ATP6V1H: variants seen among roughly 807,000 people sequenced by gnomAD.
ATP6V1H encodes the protein ATPase H+ transporting V1 subunit H.
In ATP6V1H, 39 loss-of-function variants were observed where a neutral mutation model predicts 71.7. That is an observed-to-expected ratio of 0.54 (90% CI 0.42 to 0.71). The LOEUF (loss-of-function observed/expected upper bound fraction) is 0.71, where lower values mean the gene tolerates loss of function less well. ATP6V1H is among the 30% of genes least tolerant of loss of function. The probability of loss-of-function intolerance (pLI) is 0.00; values close to 1 mark genes in which losing one functional copy is unlikely to be tolerated. For missense variants in ATP6V1H, 509 were observed against 594.9 expected (o/e 0.86, Z 1.50); for synonymous variants, 192 against 199.3 (o/e 0.96, Z 0.31).
At chr8:53,724,752 T>A (rs576704087) in intron 13 of ATP6V1H, among the ~76,000 whole-genome samples, 4 of 152,032 alleles carry the variant, frequency 2.6e-5, no homozygotes, top group Admixed American at 2.6e-4. Flanking sequence ...CTCATTTAAG[T>A]CATGGTATTT....
chr8:53,772,917 A>G (rs1441675066), intron 9 of ATP6V1H, among the ~76,000 whole-genome samples: 1 of 151,550 alleles, frequency 6.6e-6, no homozygotes, highest in African/African-American at 2.4e-5. Flanking sequence ...AAAAAAAAAA[A>G]AAAAACAAAA....
At chr8:53,815,558 T>A (rs1402833039) in intron 5 of ATP6V1H, among the ~76,000 whole-genome samples, 1 of 152,222 alleles carries the variant, frequency 6.6e-6, no homozygotes, top group East Asian at 1.9e-4. Flanking sequence ...ACTTCCAAGG[T>A]CAGAATGTCA....
chr8:53,795,595 C>T (rs920503461), intron 9 of ATP6V1H, 52 bp downstream of exon 9: 1 of 1,549,642 alleles, frequency 6.5e-7, no homozygotes, highest in African/African-American at 1.4e-5. Flanking sequence ...CTCAAATATA[C>T]TGCACAGTGA....
At chr8:53,718,543 C>T (rs1047581373) in intron 13 of ATP6V1H, among the ~76,000 whole-genome samples, 77 of 152,202 alleles carry the variant, frequency 5.1e-4, no homozygotes, top group African/African-American at 1.6e-3. Flanking sequence ...GTGCTCACCA[C>T]CATGCCTGGC....
chr8:53,729,036 T>C (rs956958941), intron 13 of ATP6V1H, among the ~76,000 whole-genome samples: 2 of 152,316 alleles, frequency 1.3e-5, no homozygotes, highest in Admixed American at 1.3e-4. Context: ...CAATTAGTCT[T>C]GTTGTTCCAG....
chr8:53,737,937 A>G lies in ATP6V1H; in HGVS notation c.1391+5640T>C, dbSNP rs16919519. On this transcript the variant is annotated intron_variant, in intron 13 of 13. Coordinates refer to ENST00000359530, the MANE Select transcript of ATP6V1H (RefSeq NM_015941.4). ...AAAAACCTGTCAATTCATTTCCATT[A>G]GCTATAAAACATTTTTTCCCCCATC... Among the ~76,000 whole-genome samples the G allele has an allele frequency of 2.0e-3, 300 of 152,304 alleles. 2 individuals are homozygous for G. The highest frequency in any genetic ancestry group is 6.9e-3 in the African/African-American group (286 of 41,570).
chr8:53,758,312 T>C (rs1245681629), intron 11 of ATP6V1H, among the ~76,000 whole-genome samples: 5 of 152,206 alleles, frequency 3.3e-5, no homozygotes, highest in Non-Finnish European at 5.9e-5. Context: ...ATTTAAAATA[T>C]AACATTTGTT....
At chr8:53,718,221 T>A (rs1201677723) in intron 13 of ATP6V1H, among the ~76,000 whole-genome samples, 4 of 152,144 alleles carry the variant, frequency 2.6e-5, no homozygotes, top group Admixed American at 1.3e-4. Context: ...AGAAACACTC[T>A]TGAAGTGGGG....
At chr8:53,779,127 T>C (rs533338513) in intron 9 of ATP6V1H, among the ~76,000 whole-genome samples, 2 of 152,260 alleles carry the variant, frequency 1.3e-5, no homozygotes, top group South Asian at 2.1e-4. Flanking sequence ...CTCTCAGCAA[T>C]TGATAGAACC....
intron 2 of ATP6V1H, 97 bp downstream of exon 2, chr8:53,841,481 G>A (rs1342509101): frequency 7.3e-7 from 1 of 1,364,056 alleles, no homozygotes; most frequent in African/African-American, 1.4e-5. Context: ...ACATTTTTCA[G>A]TATTTTCCCT....
At chr8:53,833,738 G>T (rs1811078048) in intron 2 of ATP6V1H, among the ~76,000 whole-genome samples, 1 of 151,902 alleles carries the variant, frequency 6.6e-6, no homozygotes, top group Admixed American at 6.6e-5. Context: ...ACTCCTTCCT[G>T]TGAGAGATTC....
In ATP6V1H at chr8:53,731,388, C is replaced by T. The variant is rs376890878; in HGVS notation, c.1391+12189G>A. 1.1e-4 allele frequency among the ~76,000 whole-genome samples: 17 copies of T among 152,290 alleles called. No homozygotes were observed. In the East Asian group the frequency reaches 1.7e-3, roughly 16 times the overall value. ...TGAGATCAATAGTCAGACAGCCCAG[C>T]GCCACACCCCAGGCCTGGTCTGGTA... On this transcript the variant is annotated intron_variant, in intron 13 of 13. Coordinates refer to ENST00000359530, the MANE Select transcript of ATP6V1H (RefSeq NM_015941.4).
At chr8:53,742,916 G>A (rs1807466729) in intron 13 of ATP6V1H, among the ~76,000 whole-genome samples, 1 of 152,184 alleles carries the variant, frequency 6.6e-6, no homozygotes, top group African/African-American at 2.4e-5. Context: ...GGATACTGCT[G>A]AAGGCACTGA....
intron 9 of ATP6V1H, among the ~76,000 whole-genome samples, chr8:53,785,343 T>C (rs999377072): frequency 6.6e-6 from 1 of 152,264 alleles, no homozygotes; most frequent in African/African-American, 2.4e-5. Flanking sequence ...CTACTGAGGC[T>C]TGTGCATTCA....
intron 3 of ATP6V1H, 149 bp from the exon 4 acceptor site, chr8:53,829,682 T>C (rs1326118045): frequency 1.8e-6 from 1 of 544,052 alleles, no homozygotes; most frequent in Non-Finnish European, 3.2e-6. Flanking sequence ...CTTTTATAAA[T>C]ATTGTGATGA....
chr8:53,765,500 C>T (rs1326322683), intron 11 of ATP6V1H, among the ~76,000 whole-genome samples: 5 of 124,782 alleles, frequency 4.0e-5, no homozygotes, highest in Non-Finnish European at 8.4e-5. Context: ...CACACACACA[C>T]AAGACCATCA....
At chr8:53,758,320 G>T (rs971964648) in intron 11 of ATP6V1H, among the ~76,000 whole-genome samples, 1 of 151,990 alleles carries the variant, frequency 6.6e-6, no homozygotes, top group Non-Finnish European at 1.5e-5. Flanking sequence ...TATAACATTT[G>T]TTCTCAAGAA....
chr8:53,728,299 G>T (rs1189596099), intron 13 of ATP6V1H, among the ~76,000 whole-genome samples: 1 of 152,184 alleles, frequency 6.6e-6, no homozygotes, highest in East Asian at 1.9e-4. Context: ...CTCGGCATGG[G>T]TGGCTACTGA....
chr8:53,742,651 T>C (rs1807454536), intron 13 of ATP6V1H, among the ~76,000 whole-genome samples: 1 of 152,210 alleles, frequency 6.6e-6, no homozygotes, highest in Non-Finnish European at 1.5e-5. Context: ...TCATTATTTA[T>C]GATAAAAGTG....
Sources: gnomAD v4.1 joint callset for allele counts (sites outside exome capture counted in the v4.1 genomes callset) on GRCh38, gnomAD v4.1.1 for gene constraint, MANE v1.5 for transcripts, NCBI Gene and HGNC (gene_info 2026-07-23, HGNC 2026-07-21) for gene names.